The following THTPA variants were observed in gnomAD, a reference collection of about 807,000 sequenced individuals.
THTPA encodes thiamine triphosphatase.
In THTPA, 16 loss-of-function variants were observed where a neutral mutation model predicts 16.5. That is an observed-to-expected ratio of 0.97 (90% CI 0.66 to 1.47). The LOEUF (loss-of-function observed/expected upper bound fraction) is 1.47. Among genes scored for constraint, THTPA ranks in the 40% most tolerant of loss-of-function variants. THTPA has a pLI of 0.00. For synonymous variants in THTPA, 110 were observed against 115.5 expected (o/e 0.95, Z 0.30); for missense variants, 281 against 280.9 (o/e 1.00, Z 0.00).
chr14:23,558,611 G>A (rs1882854654), intron 1 of THTPA, 84 bp from the exon 2 acceptor site: 2 of 1,559,560 alleles, frequency 1.3e-6, no homozygotes, highest in Non-Finnish European at 1.7e-6. Context: ...AACATCCACG[G>A]AGTCCTGGCT....
chr14:23,523,673 G>C, the THTPA span: 2 of 1,540,506 alleles, frequency 1.3e-6, no homozygotes, highest in Non-Finnish European at 1.7e-6. This position sits in a 1 kb window ranked among gnomAD's most constrained non-coding sequence, Gnocchi z 4.1. Flanking sequence ...CTGCATGGTG[G>C]GGGTGCGGTA....
chr14:23,542,745 C>CT, the THTPA span, among the ~76,000 whole-genome samples: 1,008 of 145,784 alleles, frequency 6.9e-3, 8 homozygotes, highest in Non-Finnish European at 9.4e-3. Flanking sequence ...GGAAAACATT[C>CT]TTTTTTTTTT....
chr14:23,554,031 T>G (rs1882160889), upstream of THTPA, among the ~76,000 whole-genome samples: 1 of 110,574 alleles, frequency 9.0e-6, no homozygotes, highest in African/African-American at 3.9e-5. Flanking sequence ...AGAGTGAGAC[T>G]CTGTCTCAAA....
At chr14:23,515,533 G>A in the THTPA span, among the ~76,000 whole-genome samples, 1 of 152,232 alleles carries the variant, frequency 6.6e-6, no homozygotes, top group Non-Finnish European at 1.5e-5. Context: ...AGGCCCCTAG[G>A]AGGAGAATCC....
the THTPA span, chr14:23,526,405 A>G: frequency 6.5e-7 from 1 of 1,536,294 alleles, no homozygotes; most frequent in Admixed American, 2.0e-5. Flanking sequence ...TGTCCAGGGC[A>G]AAGTTGGTGG....
the THTPA span, chr14:23,523,625 T>C: frequency 2.2e-5 from 34 of 1,557,738 alleles, no homozygotes; most frequent in African/African-American, 2.7e-5. This position sits in a 1 kb window ranked among gnomAD's most constrained non-coding sequence, Gnocchi z 4.1. Context: ...GATGACTCTC[T>C]TGGGCAGCCC....
chr14:23,552,328 C>T (rs899660389), upstream of THTPA, among the ~76,000 whole-genome samples: 1 of 148,374 alleles, frequency 6.7e-6, no homozygotes, highest in African/African-American at 2.5e-5. Context: ...GAGTCTCACT[C>T]AGTCGCCCAG....
the THTPA span, chr14:23,548,380 A>G: frequency 2.0e-5 from 3 of 152,190 alleles, no homozygotes; most frequent in Non-Finnish European, 4.4e-5. Flanking sequence ...AGAGTCAGAA[A>G]TCCTACCAAT....
the THTPA span, chr14:23,524,735 G>A: frequency 6.5e-7 from 1 of 1,536,234 alleles, no homozygotes; most frequent in African/African-American, 1.4e-5. The surrounding 1 kb of genome is among the most constrained non-coding windows in gnomAD (Gnocchi z 5.6). Flanking sequence ...TGGAGGCTCT[G>A]GTAATGGGCC....
chr14:23,538,933 C>T, the THTPA span, among the ~76,000 whole-genome samples: 6 of 152,086 alleles, frequency 3.9e-5, no homozygotes, highest in Non-Finnish European at 7.3e-5. Context: ...GAGAGGATCA[C>T]ATTAGAGGCG....
At chr14:23,529,992 CT>C in the THTPA span, 484 of 1,080,638 alleles carry the variant, frequency 4.5e-4, 5 homozygotes, top group South Asian at 6.2e-3. Context: ...TCCCTTCCCC[CT>C]GATGAGCCCT....
At chr14:23,519,135 A>G in the THTPA span, among the ~76,000 whole-genome samples, 3 of 152,000 alleles carry the variant, frequency 2.0e-5, no homozygotes, top group African/African-American at 7.3e-5. Context: ...GTTAGGTGTA[A>G]AAGAACATGT....
the THTPA span, chr14:23,520,755 G>A: frequency 6.8e-6 from 1 of 147,790 alleles, no homozygotes; most frequent in Non-Finnish European, 1.5e-5. This position sits in a 1 kb window ranked among gnomAD's most constrained non-coding sequence, Gnocchi z 8.7. Flanking sequence ...AAAGCTGTTT[G>A]GTCTTCCAAA....
chr14:23,519,917 T>A, the THTPA span, among the ~76,000 whole-genome samples: 3 of 152,142 alleles, frequency 2.0e-5, no homozygotes, highest in Admixed American at 1.3e-4. Context: ...GGAGAACACC[T>A]TGAAAGAGAA....
the THTPA span, chr14:23,524,665 C>T: frequency 6.5e-7 from 1 of 1,536,318 alleles, no homozygotes; most frequent in Non-Finnish European, 8.7e-7. This position sits in a 1 kb window ranked among gnomAD's most constrained non-coding sequence, Gnocchi z 5.6. Context: ...GAGTAGCCTT[C>T]TCTTCAGGCT....
the THTPA span, chr14:23,529,979 G>T: frequency 9.8e-7 from 1 of 1,016,564 alleles, no homozygotes; most frequent in Non-Finnish European, 1.5e-6. Flanking sequence ...TCGTGGCTCA[G>T]CCTCCCTTCC....
At chr14:23,521,872 G>C in the THTPA span, 1 of 1,503,198 alleles carries the variant, frequency 6.7e-7, no homozygotes. Context: ...CCAGGGGGTG[G>C]GGTGAGGGAT....
At chr14:23,526,413 T>C in the THTPA span, 1 of 1,536,008 alleles carries the variant, frequency 6.5e-7, no homozygotes, top group Non-Finnish European at 8.7e-7. Context: ...GCAAAGTTGG[T>C]GGTTTTCCGA....
At chr14:23,529,145 C>A in the THTPA span, among the ~76,000 whole-genome samples, 5 of 152,334 alleles carry the variant, frequency 3.3e-5, no homozygotes, top group South Asian at 8.3e-4. Context: ...AAACCAGAGG[C>A]TGGGAATCCC....
Sources: allele counts gnomAD v4.1 joint callset (sites outside exome capture counted in the v4.1 genomes callset), GRCh38; gene constraint gnomAD v4.1.1; non-coding constraint Gnocchi (gnomAD v3.1); transcripts MANE v1.5; gene names NCBI Gene and HGNC (gene_info 2026-07-23, HGNC 2026-07-21).